The following NELL2 variants were observed in gnomAD, a reference collection of about 807,000 sequenced individuals.
The protein encoded by NELL2 is protein kinase C-binding protein NELL2.
A neutral mutation model predicts 109.6 loss-of-function variants in NELL2; 41 were observed. That is an observed-to-expected ratio of 0.37 (90% confidence interval 0.29 to 0.49). The LOEUF (loss-of-function observed/expected upper bound fraction) is 0.49, where lower values mean the gene tolerates loss of function less well. Among genes scored for constraint, NELL2 ranks in the 20% least tolerant of loss-of-function variants. The pLI is 0.98. For synonymous variants in NELL2, 355 were observed against 344.7 expected (o/e 1.03, Z -0.33); for missense variants, 900 against 1,008.3 (o/e 0.89, Z 1.45).
chr12:44,822,789 C>T (rs944093909), intron 2 of NELL2, among the ~76,000 whole-genome samples: 1 of 152,132 alleles, frequency 6.6e-6, no homozygotes, highest in African/African-American at 2.4e-5. Context: ...AATGAAGTAG[C>T]TCAGAAGCAA....
At chr12:44,692,644 A>C (rs1325161971) in intron 12 of NELL2, among the ~76,000 whole-genome samples, 1 of 152,182 alleles carries the variant, frequency 6.6e-6, no homozygotes, top group African/African-American at 2.4e-5. Context: ...TTTGTGATTC[A>C]TTGGAAGAGG....
intron 15 of NELL2, among the ~76,000 whole-genome samples, chr12:44,573,895 A>G (rs1335591396): frequency 6.6e-6 from 1 of 152,172 alleles, no homozygotes; most frequent in Non-Finnish European, 1.5e-5. Context: ...ATTGCTCAAC[A>G]TGGAGACGTT....
intron 11 of NELL2, among the ~76,000 whole-genome samples, chr12:44,710,006 G>A (rs187996416): frequency 1.3e-5 from 2 of 152,166 alleles, no homozygotes; most frequent in African/African-American, 2.4e-5. Context: ...TATTACTGCA[G>A]GTTACCCTGA....
At chr12:44,743,055 G>A (rs549590395) in intron 9 of NELL2, among the ~76,000 whole-genome samples, 130 of 152,258 alleles carry the variant, frequency 8.5e-4, no homozygotes, top group Non-Finnish European at 1.6e-3. Flanking sequence ...CAGAGAGAAA[G>A]GTTGGGTTAC....
intron 12 of NELL2, among the ~76,000 whole-genome samples, chr12:44,686,034 C>T (rs1361727441): frequency 1.3e-5 from 2 of 152,188 alleles, no homozygotes; most frequent in Non-Finnish European, 2.9e-5. Context: ...TCCATTCTCT[C>T]CATTACTTTC....
rs560219450 is a variant in NELL2, at chr12:44,652,086, T to C, written c.1444+13398A>G. On this transcript the variant is annotated intron_variant, in intron 13 of 19. Transcript: ENST00000429094. Reference sequence around the variant, plus strand: ...CCCATTGAGAGCTAATTGTGGCCCATAGGTCACTAATGGATGGCTCAGAAA... The same window carrying C: ...CCCATTGAGAGCTAATTGTGGCCCACAGGTCACTAATGGATGGCTCAGAAA... Among the ~76,000 whole-genome samples the C allele has an allele frequency of 3.9e-5, 6 of 152,274 alleles. 1 individual carries two copies. The highest frequency in any genetic ancestry group is 1.2e-4 in the African/African-American group (5 of 41,556).
chr12:44,777,126 T>C lies in NELL2; in HGVS notation c.680-2A>G. The C allele has an allele frequency of 6.2e-7, 1 of 1,613,996 alleles. No homozygotes were observed. Among genetic ancestry groups the C allele is most frequent in the Non-Finnish European group, 8.5e-7 (1 of 1,179,880 alleles). ...GGAAGTCATTGCAAGTTGGACAGGC[T>C]GGAATTACAAACACTACATTTGGTC... On this transcript the variant is annotated splice_acceptor_variant, in intron 6 of 19. Coordinates refer to ENST00000429094, the MANE Select transcript of NELL2 (RefSeq NM_001145108.2). LOFTEE classifies it high-confidence loss of function.
intron 2 of NELL2, among the ~76,000 whole-genome samples, chr12:44,835,213 C>T (rs377238969): frequency 2.0e-5 from 3 of 152,264 alleles, no homozygotes; most frequent in South Asian, 2.1e-4. Context: ...ACACGCCCTG[C>T]CTCTGTGTGG....
intron 19 of NELL2, among the ~76,000 whole-genome samples, chr12:44,512,676 T>C (rs1055006085): frequency 2.6e-5 from 4 of 152,134 alleles, no homozygotes; most frequent in African/African-American, 4.8e-5. Context: ...TTCAACAACA[T>C]GGATGAGACT....
At chr12:44,785,781 G>A (rs983653851) in intron 3 of NELL2, among the ~76,000 whole-genome samples, 1 of 152,066 alleles carries the variant, frequency 6.6e-6, no homozygotes, top group African/African-American at 2.4e-5. Flanking sequence ...AATAGGGAAA[G>A]GATTCCCTAT....
At chr12:44,554,756 T>C (rs1054472759) in intron 15 of NELL2, among the ~76,000 whole-genome samples, 5 of 152,232 alleles carry the variant, frequency 3.3e-5, no homozygotes, top group Non-Finnish European at 5.9e-5. Context: ...AACTTCCAGA[T>C]ACTTAAGGTA....
intron 1 of NELL2, chr12:44,881,948 C>A (rs1228761014): frequency 1.3e-5 from 2 of 151,836 alleles, no homozygotes; most frequent in Non-Finnish European, 2.9e-5. Context: ...TGAATGCAAA[C>A]CATGGAGGCC....
At chr12:44,593,895 A>G (rs1219086865) in intron 15 of NELL2, among the ~76,000 whole-genome samples, 2 of 152,184 alleles carry the variant, frequency 1.3e-5, no homozygotes, top group Non-Finnish European at 2.9e-5. Flanking sequence ...ATGCCCATCA[A>G]TGATAGACTG....
At chr12:44,883,476 C>T (rs767450220) in intron 1 of NELL2, among the ~76,000 whole-genome samples, 2 of 152,014 alleles carry the variant, frequency 1.3e-5, no homozygotes, top group Non-Finnish European at 2.9e-5. Context: ...GTCTCCCCAT[C>T]TGAAGACCCT....
intron 19 of NELL2, among the ~76,000 whole-genome samples, chr12:44,510,876 G>A (rs1592046709): frequency 6.6e-6 from 1 of 152,186 alleles, no homozygotes; most frequent in Non-Finnish European, 1.5e-5. Context: ...CGGCTCAGAG[G>A]CACAGGTTTT....
intron 9 of NELL2, among the ~76,000 whole-genome samples, chr12:44,739,166 C>A (rs191802230): frequency 3.9e-5 from 6 of 152,286 alleles, no homozygotes; most frequent in African/African-American, 9.6e-5. Flanking sequence ...CTCATAGCAT[C>A]TTAGACTTTT....
intron 13 of NELL2, among the ~76,000 whole-genome samples, chr12:44,644,493 T>C (rs1417353731): frequency 6.7e-6 from 1 of 150,338 alleles, no homozygotes; most frequent in East Asian, 2.0e-4. Context: ...TGATGCAGGC[T>C]CAGCTTTTGG....
intron 1 of NELL2, among the ~76,000 whole-genome samples, chr12:44,909,089 G>A (rs1268930358): frequency 6.6e-6 from 1 of 151,728 alleles, no homozygotes; most frequent in Non-Finnish European, 1.5e-5. Flanking sequence ...GAGCAATCAG[G>A]CAAGAGAAAG....
intron 13 of NELL2, among the ~76,000 whole-genome samples, chr12:44,639,966 T>A (rs1946790666): frequency 6.6e-6 from 1 of 152,142 alleles, no homozygotes; most frequent in Non-Finnish European, 1.5e-5. Flanking sequence ...CCCTTAAACA[T>A]ACCAACCTTT....
Sources: allele counts gnomAD v4.1 joint callset (sites outside exome capture counted in the v4.1 genomes callset), GRCh38; gene constraint gnomAD v4.1.1; transcripts MANE v1.5; gene names NCBI Gene and HGNC (gene_info 2026-07-23, HGNC 2026-07-21).